PCDHGB6: variants seen among roughly 807,000 people sequenced by gnomAD.
The protein encoded by PCDHGB6 is protocadherin gamma subfamily B, 6.
PCDHGB6 carries 51 observed loss-of-function variants against 59.1 expected under a neutral mutation model. That is an observed-to-expected ratio of 0.86 (90% CI 0.69 to 1.09). The LOEUF (loss-of-function observed/expected upper bound fraction) is 1.09. PCDHGB6 is among the 50% of genes least tolerant of loss of function. PCDHGB6 has a pLI of 0.00. For missense variants in PCDHGB6, 1,148 were observed against 1,205.1 expected (o/e 0.95, Z 0.70); for synonymous variants, 466 against 495.1 (o/e 0.94, Z 0.78).
chr5:141,420,511 A>G (rs958868048), intron 1 of PCDHGB6: 23 of 419,992 alleles, frequency 5.5e-5, no homozygotes, highest in Middle Eastern at 6.5e-4. Context: ...ATTTTTATGA[A>G]GTAAAATACC....
At chr5:141,421,469 G>A in intron 1 of PCDHGB6, 1 of 1,614,122 alleles carries the variant, frequency 6.2e-7, no homozygotes, top group Non-Finnish European at 8.5e-7. Flanking sequence ...GTGAATCCGC[G>A]AAGCGGCAGC....
At chr5:141,413,357 G>C in intron 1 of PCDHGB6, 1 of 1,613,992 alleles carries the variant, frequency 6.2e-7, no homozygotes, top group Non-Finnish European at 8.5e-7. Context: ...CTGGCGCCCC[G>C]GGAGCTGGCG....
At chr5:141,466,965 C>A (rs1345790988) in intron 1 of PCDHGB6, among the ~76,000 whole-genome samples, 1 of 152,016 alleles carries the variant, frequency 6.6e-6, no homozygotes, top group East Asian at 1.9e-4. Context: ...CAAATATTTT[C>A]TCACAGCTCA....
intron 1 of PCDHGB6, chr5:141,428,729 A>T (rs1362138016): frequency 6.3e-6 from 1 of 159,768 alleles, no homozygotes; most frequent in East Asian, 1.8e-4. Flanking sequence ...AATCTTAAAC[A>T]TATTATATCT....
chr5:141,476,267 G>T lies in PCDHGB6; in HGVS notation c.2419-18540G>T, dbSNP rs373758158. 15 of 1,614,056 alleles carry T rather than the reference G, an allele frequency of 9.3e-6. No homozygotes were observed. In the South Asian group the frequency reaches 1.6e-4, roughly 18 times the overall value. On this transcript the variant is annotated intron_variant, in intron 1 of 3. Transcript: ENST00000520790. This position sits in a 1 kb window ranked among gnomAD's most constrained non-coding sequence, Gnocchi z 7.6. ...GAAGGGTTTCGCTGTGGGCAACGTGGTCGCGAACCTTGGTTTGGATCTCGG... is the reference window on the plus strand; with the variant it reads ...GAAGGGTTTCGCTGTGGGCAACGTGTTCGCGAACCTTGGTTTGGATCTCGG...
Position 141,491,410 on chromosome 5 carries a change from GA to G in PCDHGB6, c.2419-3396del. 1 of 1,614,142 alleles carries G rather than the reference GA, an allele frequency of 6.2e-7. No homozygotes were observed. The highest frequency in any genetic ancestry group is 8.5e-7 in the Non-Finnish European group (1 of 1,180,034). On this transcript the variant is annotated intron_variant, in intron 1 of 3. Coordinates refer to ENST00000520790, the MANE Select transcript of PCDHGB6 (RefSeq NM_018926.3). This position sits in a 1 kb window ranked among gnomAD's most constrained non-coding sequence, Gnocchi z 6.9. ...GTGCCTTCAGGGAAACGCAGACGGG[GA>G]CGGGGGTGGAGGGCAGTGCTGCAGG...
At position 141,413,564 on chromosome 5, in the gene PCDHGB6, T is replaced by C. The variant is rs762044373; in HGVS notation, c.2418+2944T>C. 9 of 1,613,760 alleles carry C rather than the reference T, an allele frequency of 5.6e-6. No homozygotes were observed. The Admixed American group carries it at 1.2e-4, about 21-fold the overall frequency. ...GGGATAGAAATAGAAGTAACTGATA[T>C]CAATGACAATGCTCCAAAATTCCAA... On this transcript the variant is annotated intron_variant, in intron 1 of 3. Coordinates refer to ENST00000520790, the MANE Select transcript of PCDHGB6 (RefSeq NM_018926.3).
chr5:141,503,222 G>C (rs540244346), intron 2 of PCDHGB6, among the ~76,000 whole-genome samples: 1 of 152,120 alleles, frequency 6.6e-6, no homozygotes, highest in Middle Eastern at 3.4e-3. Context: ...CATGAGCACC[G>C]TAAAGATGGA....
At chr5:141,508,835 C>T (rs1190105775) in intron 3 of PCDHGB6, among the ~76,000 whole-genome samples, 12 of 152,158 alleles carry the variant, frequency 7.9e-5, no homozygotes, top group African/African-American at 2.9e-4. Flanking sequence ...CCCCCCTCCC[C>T]TACCCCTTCC....
intron 1 of PCDHGB6, among the ~76,000 whole-genome samples, chr5:141,460,793 A>T (rs954317795): frequency 2.0e-4 from 30 of 152,024 alleles, no homozygotes; most frequent in Non-Finnish European, 2.9e-5. Flanking sequence ...TATACACACA[A>T]AGTATATATA....
rs1038145479 is a variant in PCDHGB6 at position 141,408,047 on chromosome 5, A to G, written c.-156A>G. The G allele has an allele frequency of 5.6e-6, 7 of 1,243,316 alleles. No individual in the cohort carries two copies. In the African/African-American group the frequency reaches 1.1e-4, roughly 19 times the overall value. The allele number at this position is 1,243,316 out of a possible 1,614,324, so 77.0% of individuals were successfully genotyped here. On this transcript the variant is annotated 5_prime_UTR_variant, in exon 1 of 4. Coordinates refer to ENST00000520790, the MANE Select transcript of PCDHGB6 (RefSeq NM_018926.3). ...GAAAGAAGAAAACCAGCTCCCACAC[A>G]GAGCCTCCCGGCTGCGCAGACCTTT...
intron 1 of PCDHGB6, chr5:141,478,865 T>G: frequency 7.5e-7 from 1 of 1,326,190 alleles, no homozygotes; most frequent in Non-Finnish European, 1.0e-6. Context: ...ATCTCAGCGA[T>G]CAGAGTTTAG....
At position 141,512,346 on chromosome 5, in the gene PCDHGB6, G is replaced by A. The variant is rs1391003897; in HGVS notation, c.*1173G>A. ...CAGGCCATTCTTAGTCCCTGGGTTG[G>A]GGAGGCAGGGAGCTAGGGCAGGGAC... On this transcript the variant is annotated 3_prime_UTR_variant, in exon 4 of 4. Transcript: ENST00000520790. 6.5e-6 allele frequency: 1 copy of A among 152,876 alleles called. No individual in the cohort carries two copies. Among genetic ancestry groups the A allele is most frequent in the Non-Finnish European group, 1.5e-5 (1 of 68,232 alleles). 9.5% of individuals were successfully genotyped at this position (152,876 alleles called of 1,614,324 possible). A position where few individuals can be genotyped will look rare whatever the true frequency, so the allele number is the denominator to read the frequency against.
intron 1 of PCDHGB6, among the ~76,000 whole-genome samples, chr5:141,483,755 G>A (rs2099586573): frequency 6.6e-6 from 1 of 152,130 alleles, no homozygotes. Flanking sequence ...TGAGGATCGA[G>A]GCTTGGAAAA....
intron 1 of PCDHGB6, among the ~76,000 whole-genome samples, chr5:141,425,068 A>G (rs1484760901): frequency 6.6e-6 from 1 of 152,174 alleles, no homozygotes; most frequent in African/African-American, 2.4e-5. Context: ...GGACAAAAAT[A>G]ATTTCAACTG....
chr5:141,427,192 A>G (rs1191677237), intron 1 of PCDHGB6: 2 of 456,566 alleles, frequency 4.4e-6, no homozygotes, highest in African/African-American at 4.0e-5. Flanking sequence ...AAATCCAAAG[A>G]CTTAATAGAC....
intron 1 of PCDHGB6, chr5:141,422,082 G>A (rs2096622921): frequency 6.2e-7 from 1 of 1,612,284 alleles, no homozygotes; most frequent in East Asian, 2.2e-5. Context: ...TTCGGAACAT[G>A]GAAAGCAAGG....
rs112731052 is a variant in PCDHGB6 at position 141,457,109 on chromosome 5, A to G, written c.2419-37698A>G. ...TATAAGGATACTAATTAAGCAAAAT[A>G]CGACAGCAATGGAAACTCTGTCCAA... is the stretch of plus-strand genomic sequence containing the variant. On this transcript the variant is annotated intron_variant, in intron 1 of 3. Coordinates refer to ENST00000520790, the MANE Select transcript of PCDHGB6 (RefSeq NM_018926.3). 8.3e-3 allele frequency among the ~76,000 whole-genome samples: 1,258 copies of G among 152,360 alleles called. 17 individuals are homozygous for G. Among genetic ancestry groups the G allele is most frequent in the African/African-American group, 0.029 (1,195 of 41,578 alleles).
chr5:141,418,748 A>G, intron 1 of PCDHGB6: 7 of 1,613,954 alleles, frequency 4.3e-6, no homozygotes, highest in East Asian at 2.2e-5. Context: ...TCTGGATTAC[A>G]CTACAGGAAA....
Sources: allele counts gnomAD v4.1 joint callset (sites outside exome capture counted in the v4.1 genomes callset), GRCh38; gene constraint gnomAD v4.1.1; non-coding constraint Gnocchi (gnomAD v3.1); transcripts MANE v1.5; gene names NCBI Gene and HGNC (gene_info 2026-07-23, HGNC 2026-07-21).